The following DRC11 variants were observed in gnomAD, a reference collection of about 807,000 sequenced individuals.
DRC11 encodes dynein regulatory complex subunit 11, also known as IQ and AAA domain-containing protein 1.
At chr2:236,430,935 C>T in the DRC11 span, among the ~76,000 whole-genome samples, 10 of 152,236 alleles carry the variant, frequency 6.6e-5, no homozygotes, top group South Asian at 4.2e-4. The surrounding 1 kb of genome is among the most constrained non-coding windows in gnomAD (Gnocchi z 6.0). Context: ...CAAAATCTTC[C>T]GAAGTTAAAA....
chr2:236,438,802 G>A, the DRC11 span, among the ~76,000 whole-genome samples: 2 of 151,936 alleles, frequency 1.3e-5, no homozygotes, highest in African/African-American at 2.4e-5. Context: ...TTCCAAAATT[G>A]ACCACATACT....
the DRC11 span, among the ~76,000 whole-genome samples, chr2:236,353,218 T>G: frequency 6.6e-6 from 1 of 152,208 alleles, no homozygotes; most frequent in African/African-American, 2.4e-5. The surrounding 1 kb of genome is among the most constrained non-coding windows in gnomAD (Gnocchi z 5.0). Flanking sequence ...TTCTGTCGGG[T>G]AGTTCACGTC....
At chr2:236,423,539 A>T in the DRC11 span, among the ~76,000 whole-genome samples, 1 of 152,216 alleles carries the variant, frequency 6.6e-6, no homozygotes, top group Non-Finnish European at 1.5e-5. Context: ...ATCACTAAAA[A>T]GTCAGGCAAC....
At chr2:236,386,126 T>C in the DRC11 span, among the ~76,000 whole-genome samples, 14 of 150,274 alleles carry the variant, frequency 9.3e-5, no homozygotes, top group African/African-American at 3.4e-4. Flanking sequence ...AAATTCTCTT[T>C]TTTTGTTGTG....
chr2:236,489,103 GTGA>G, the DRC11 span, among the ~76,000 whole-genome samples: 1 of 143,274 alleles, frequency 7.0e-6, no homozygotes. Context: ...CTGGGTGCAG[GTGA>G]GGCCTGTGTG....
chr2:236,414,113 T>C, the DRC11 span, among the ~76,000 whole-genome samples: 1 of 152,238 alleles, frequency 6.6e-6, no homozygotes, highest in South Asian at 2.1e-4. Flanking sequence ...GAGTTCTGTA[T>C]ATATTCTAGG....
the DRC11 span, among the ~76,000 whole-genome samples, chr2:236,413,502 T>C: frequency 2.0e-5 from 3 of 152,202 alleles, no homozygotes; most frequent in African/African-American, 4.8e-5. The surrounding 1 kb of genome is among the most constrained non-coding windows in gnomAD (Gnocchi z 4.0). Context: ...TCATGCAAAA[T>C]TTGGTTTGAA....
chr2:236,363,792 A>G, the DRC11 span: 34 of 1,612,396 alleles, frequency 2.1e-5, no homozygotes, highest in Non-Finnish European at 2.9e-5. The surrounding 1 kb of genome is among the most constrained non-coding windows in gnomAD (Gnocchi z 5.6). Context: ...TGAAGACTGC[A>G]TGCAGCATCA....
At chr2:236,497,417 T>C in the DRC11 span, 7 of 1,613,858 alleles carry the variant, frequency 4.3e-6, no homozygotes, top group Middle Eastern at 1.6e-4. This position sits in a 1 kb window ranked among gnomAD's most constrained non-coding sequence, Gnocchi z 5.1. Context: ...GGTTCAATCA[T>C]CTTCTGAGGC....
the DRC11 span, among the ~76,000 whole-genome samples, chr2:236,500,211 G>A: frequency 8.5e-5 from 13 of 152,136 alleles, no homozygotes; most frequent in Non-Finnish European, 1.8e-4. This position sits in a 1 kb window ranked among gnomAD's most constrained non-coding sequence, Gnocchi z 6.3. Context: ...ACAACCCTAT[G>A]AGGTAGGCAT....
chr2:236,312,578 T>C, the DRC11 span, among the ~76,000 whole-genome samples: 3 of 152,234 alleles, frequency 2.0e-5, no homozygotes, highest in South Asian at 6.2e-4. Context: ...AAAAATTGTA[T>C]AGGTCTAAAT....
chr2:236,451,394 G>A, the DRC11 span, among the ~76,000 whole-genome samples: 2 of 151,706 alleles, frequency 1.3e-5, no homozygotes, highest in Admixed American at 1.3e-4. Context: ...TATGAGTATA[G>A]CTGCCTTGTT....
chr2:236,399,582 G>A, the DRC11 span: 284 of 990,310 alleles, frequency 2.9e-4, 2 homozygotes, highest in South Asian at 3.3e-3. The surrounding 1 kb of genome is among the most constrained non-coding windows in gnomAD (Gnocchi z 7.0). Flanking sequence ...TCCATGCCGC[G>A]CAGGCCCAGT....
At chr2:236,308,632 A>G in the DRC11 span, among the ~76,000 whole-genome samples, 2 of 152,210 alleles carry the variant, frequency 1.3e-5, no homozygotes, top group African/African-American at 4.8e-5. This position sits in a 1 kb window ranked among gnomAD's most constrained non-coding sequence, Gnocchi z 6.0. Flanking sequence ...GTGCTTGGCT[A>G]ATTCCACTTA....
At chr2:236,442,525 C>A in the DRC11 span, among the ~76,000 whole-genome samples, 1 of 152,132 alleles carries the variant, frequency 6.6e-6, no homozygotes, top group Non-Finnish European at 1.5e-5. Flanking sequence ...GGAATCTGAA[C>A]CCATATCAAT....
At chr2:236,390,874 T>G in the DRC11 span, among the ~76,000 whole-genome samples, 2 of 152,200 alleles carry the variant, frequency 1.3e-5, no homozygotes, top group Non-Finnish European at 2.9e-5. This position sits in a 1 kb window ranked among gnomAD's most constrained non-coding sequence, Gnocchi z 5.9. Context: ...GGTGCTGAGC[T>G]CCATGGTGAA....
chr2:236,409,038 G>C, the DRC11 span: 1 of 621,940 alleles, frequency 1.6e-6, no homozygotes, highest in Non-Finnish European at 2.9e-6. Flanking sequence ...AGGAAGCCGA[G>C]GGACCCATGT....
chr2:236,390,442 G>A, the DRC11 span, among the ~76,000 whole-genome samples: 1 of 152,166 alleles, frequency 6.6e-6, no homozygotes, highest in Non-Finnish European at 1.5e-5. This position sits in a 1 kb window ranked among gnomAD's most constrained non-coding sequence, Gnocchi z 5.9. Flanking sequence ...TGATTGGTGA[G>A]TTTAATCCAT....
chr2:236,330,123 A>G, the DRC11 span, among the ~76,000 whole-genome samples: 1 of 152,248 alleles, frequency 6.6e-6, no homozygotes, highest in Non-Finnish European at 1.5e-5. The surrounding 1 kb of genome is among the most constrained non-coding windows in gnomAD (Gnocchi z 5.5). Flanking sequence ...AATTATGAAC[A>G]GGTTTAAACA....
Sources: allele counts gnomAD v4.1 joint callset (sites outside exome capture counted in the v4.1 genomes callset), GRCh38; gene constraint gnomAD v4.1.1; non-coding constraint Gnocchi (gnomAD v3.1); transcripts MANE v1.5; gene names NCBI Gene and HGNC (gene_info 2026-07-23, HGNC 2026-07-21).